Variants in SLC44A5 observed in about 807,000 individuals in gnomAD.
SLC44A5 encodes the protein solute carrier family 44 member 5.
Under a neutral mutation model 101.8 loss-of-function variants are expected in SLC44A5, and 57 were observed. The ratio of observed to expected loss-of-function variants is 0.56; its 90% CI spans 0.45 to 0.70. SLC44A5 has a LOEUF of 0.70. SLC44A5 is among the 30% of genes least tolerant of loss of function. SLC44A5 has a pLI of 0.00. For missense variants in SLC44A5, 737 were observed against 853.1 expected (o/e 0.86, Z 1.70); for synonymous variants, 281 against 290.9 (o/e 0.97, Z 0.35).
chr1:75,651,792 G>T, the SLC44A5 span, among the ~76,000 whole-genome samples: 3 of 151,094 alleles, frequency 2.0e-5, no homozygotes, highest in African/African-American at 7.3e-5. Flanking sequence ...TTCCCTCCTT[G>T]TTACAGTAGA....
At chr1:75,516,135 A>G (rs544535622) in intron 2 of SLC44A5, among the ~76,000 whole-genome samples, 2 of 152,350 alleles carry the variant, frequency 1.3e-5, no homozygotes, top group South Asian at 2.1e-4. Flanking sequence ...TCAATCTGAA[A>G]TCATCTATCT....
chr1:75,673,510 G>A, the SLC44A5 span, among the ~76,000 whole-genome samples: 1 of 152,162 alleles, frequency 6.6e-6, no homozygotes, highest in African/African-American at 2.4e-5. Context: ...TGAAGGGAAA[G>A]ACACAAGCCT....
At chr1:75,299,012 C>T (rs1654210674) in intron 5 of SLC44A5, among the ~76,000 whole-genome samples, 1 of 152,136 alleles carries the variant, frequency 6.6e-6, no homozygotes, top group South Asian at 2.1e-4. Context: ...GATTCCAAAT[C>T]TTTCACTTAT....
At chr1:75,299,730 G>T (rs1325390147) in intron 5 of SLC44A5, among the ~76,000 whole-genome samples, 1 of 151,874 alleles carries the variant, frequency 6.6e-6, no homozygotes, top group East Asian at 1.9e-4. Context: ...ATCCAAATGG[G>T]CCAGGCACAG....
At chr1:75,578,918 AATC>A in intron 1 of SLC44A5, among the ~76,000 whole-genome samples, 1 of 152,312 alleles carries the variant, frequency 6.6e-6, no homozygotes, top group East Asian at 1.9e-4. Flanking sequence ...TCACTTACAA[AATC>A]ATCTGTATTG....
At chr1:75,293,727 A>G (rs1335921112) in intron 5 of SLC44A5, among the ~76,000 whole-genome samples, 4 of 152,212 alleles carry the variant, frequency 2.6e-5, no homozygotes, top group African/African-American at 9.7e-5. Flanking sequence ...CTTCTACCCA[A>G]TGGTGAGTTT....
chr1:75,517,936 C>G (rs1669923542), intron 2 of SLC44A5, among the ~76,000 whole-genome samples: 1 of 152,144 alleles, frequency 6.6e-6, no homozygotes, highest in Non-Finnish European at 1.5e-5. Flanking sequence ...CTGGATTTCT[C>G]TGAGATTTCC....
At position 75,318,473 on chromosome 1, in the gene SLC44A5, G is replaced by A. The variant is rs188633479; in HGVS notation, c.102-17788C>T. Among the ~76,000 whole-genome samples the A allele has an allele frequency of 2.5e-3, 382 of 152,230 alleles. 1 individual carries two copies. The highest frequency in any genetic ancestry group is 8.7e-3 in the African/African-American group (360 of 41,534). ...TGTATAGATAAAAGTGAAATATTAA[G>A]TATTTTACTTTTGTTAGTATATTTT... is the stretch of plus-strand genomic sequence containing the variant. On this transcript the variant is annotated intron_variant, in intron 4 of 23. Coordinates refer to ENST00000370859, the MANE Select transcript of SLC44A5 (RefSeq NM_001130058.2).
chr1:75,296,853 T>C (rs1367154055), intron 5 of SLC44A5, among the ~76,000 whole-genome samples: 1 of 152,188 alleles, frequency 6.6e-6, no homozygotes, highest in Non-Finnish European at 1.5e-5. Flanking sequence ...TGGCTTAATA[T>C]AATAAATTTT....
intron 4 of SLC44A5, among the ~76,000 whole-genome samples, chr1:75,337,071 A>C (rs1657500791): frequency 6.6e-6 from 1 of 152,144 alleles, no homozygotes; most frequent in Non-Finnish European, 1.5e-5. Flanking sequence ...CTTCACTTAC[A>C]TATGCTGACT....
chr1:75,206,572 C>A (rs1323208159), intron 23 of SLC44A5: 1 of 1,324,614 alleles, frequency 7.5e-7, no homozygotes, highest in Non-Finnish European at 1.1e-6. Context: ...TACACAACTT[C>A]TACTTAAAAA....
chr1:75,449,601 G>T (rs1251395926), intron 2 of SLC44A5, among the ~76,000 whole-genome samples: 1 of 152,034 alleles, frequency 6.6e-6, no homozygotes, highest in Non-Finnish European at 1.5e-5. Flanking sequence ...TCATTAAATG[G>T]GCCTTTCAGA....
rs114035138 is a variant in SLC44A5, at chr1:75,477,036, G to A, written c.13+64399C>T. Reference sequence around the variant, plus strand: ...GGCAGACTGACACCTCACAGGACCCGGTACTCCTCTGAGACAAAACTTCCA... The same window carrying A: ...GGCAGACTGACACCTCACAGGACCCAGTACTCCTCTGAGACAAAACTTCCA... On this transcript the variant is annotated intron_variant, in intron 2 of 23. Transcript: ENST00000370859. Among the ~76,000 whole-genome samples, 1,013 of 152,286 alleles carry A rather than the reference G, an allele frequency of 6.7e-3. 21 individuals carry two copies. Among genetic ancestry groups the A allele is most frequent in the African/African-American group, 0.024 (982 of 41,550 alleles).
intron 4 of SLC44A5, among the ~76,000 whole-genome samples, chr1:75,317,037 C>A (rs142622363): frequency 2.0e-5 from 3 of 152,116 alleles, no homozygotes; most frequent in African/African-American, 7.2e-5. Flanking sequence ...AAAGGAAAAT[C>A]CCAAGAACAA....
At chr1:75,646,628 T>C in the SLC44A5 span, among the ~76,000 whole-genome samples, 4 of 152,282 alleles carry the variant, frequency 2.6e-5, no homozygotes, top group African/African-American at 9.6e-5. Context: ...GGTCCCTGCA[T>C]GCTCTTCTCA....
At chr1:75,499,978 T>A (rs1201907225) in intron 2 of SLC44A5, among the ~76,000 whole-genome samples, 1 of 152,024 alleles carries the variant, frequency 6.6e-6, no homozygotes, top group East Asian at 1.9e-4. Context: ...CATAAACCCC[T>A]CCCATCCACT....
chr1:75,278,347 A>T (rs1443329358), intron 5 of SLC44A5, among the ~76,000 whole-genome samples: 1 of 152,106 alleles, frequency 6.6e-6, no homozygotes, highest in Non-Finnish European at 1.5e-5. Flanking sequence ...TTTCTCCTGG[A>T]CAGATCTGTT....
chr1:75,478,340 T>A (rs1030812821), intron 2 of SLC44A5, among the ~76,000 whole-genome samples: 1 of 152,160 alleles, frequency 6.6e-6, no homozygotes, highest in Non-Finnish European at 1.5e-5. Flanking sequence ...AGAAACTGCA[T>A]GAACTAACGA....
chr1:75,342,117 G>A (rs1469078196), intron 3 of SLC44A5, among the ~76,000 whole-genome samples: 2 of 152,214 alleles, frequency 1.3e-5, no homozygotes, highest in African/African-American at 4.8e-5. Flanking sequence ...ATGTGTATGA[G>A]TTTTGGGAGA....
Sources: gnomAD v4.1 joint callset for allele counts (sites outside exome capture counted in the v4.1 genomes callset) on GRCh38, gnomAD v4.1.1 for gene constraint, MANE v1.5 for transcripts, NCBI Gene and HGNC (gene_info 2026-07-23, HGNC 2026-07-21) for gene names.